SLC4A10: variants seen among roughly 807,000 people sequenced by gnomAD.
SLC4A10 encodes sodium-driven chloride bicarbonate exchanger.
SLC4A10 carries 42 observed loss-of-function variants against 137.7 expected under a neutral mutation model. The ratio of observed to expected loss-of-function variants is 0.30; its 90% CI spans 0.24 to 0.39. The LOEUF (loss-of-function observed/expected upper bound fraction) is 0.39. SLC4A10 is among the 10% of genes least tolerant of loss of function. SLC4A10 has a pLI of 1.00. For missense variants in SLC4A10, 925 were observed against 1,355.0 expected (o/e 0.68, Z 4.98); for synonymous variants, 474 against 464.1 (o/e 1.02, Z -0.27).
At chr2:161,851,570 C>A (rs1228716485) in intron 4 of SLC4A10, among the ~76,000 whole-genome samples, 1 of 152,096 alleles carries the variant, frequency 6.6e-6, no homozygotes. Context: ...ATTTTACTTT[C>A]AAAGGAGCCA....
intron 16 of SLC4A10, among the ~76,000 whole-genome samples, chr2:161,946,398 G>A (rs77787032): frequency 0.013 from 2,003 of 152,086 alleles, 40 homozygotes; most frequent in East Asian, 0.099. Context: ...AATCTTTGGA[G>A]TGTATTTACT....
chr2:161,707,262 G>T (rs899789398), intron 1 of SLC4A10, among the ~76,000 whole-genome samples: 1 of 151,304 alleles, frequency 6.6e-6, no homozygotes, highest in Admixed American at 6.6e-5. Context: ...GTATAATTTG[G>T]ATCAGCCCAG....
intron 3 of SLC4A10, among the ~76,000 whole-genome samples, chr2:161,809,634 T>C (rs949880292): frequency 3.9e-5 from 6 of 152,156 alleles, no homozygotes; most frequent in African/African-American, 1.4e-4. Flanking sequence ...TAATAGGGAG[T>C]CCTTTCTGTA....
intron 21 of SLC4A10, 52 bp downstream of exon 21, chr2:161,958,607 C>A: frequency 7.4e-7 from 1 of 1,358,756 alleles, no homozygotes; most frequent in South Asian, 1.3e-5. Flanking sequence ...ACCTTAAGGT[C>A]TACTGATAAG....
At chr2:161,868,855 T>C (rs1009447594) in intron 6 of SLC4A10, among the ~76,000 whole-genome samples, 6 of 151,690 alleles carry the variant, frequency 4.0e-5, no homozygotes, top group Non-Finnish European at 7.4e-5. Context: ...GATTACTCAA[T>C]GTCTTTTTTT....
At chr2:161,801,204 A>G (rs774847692) in intron 2 of SLC4A10, among the ~76,000 whole-genome samples, 8 of 151,838 alleles carry the variant, frequency 5.3e-5, no homozygotes, top group Admixed American at 6.6e-5. Context: ...CATTGTTACC[A>G]TATTTCTTGA....
intron 4 of SLC4A10, among the ~76,000 whole-genome samples, chr2:161,842,713 C>T (rs2125802716): frequency 6.6e-6 from 1 of 152,190 alleles, no homozygotes; most frequent in Admixed American, 6.5e-5. Context: ...TTCTACCTTA[C>T]TTTTTGTCCC....
chr2:161,970,644 A>T (rs1042951081), intron 23 of SLC4A10, among the ~76,000 whole-genome samples: 5 of 152,276 alleles, frequency 3.3e-5, no homozygotes, highest in African/African-American at 1.2e-4. Context: ...GTACTTTAAG[A>T]TATTTGAGGG....
chr2:161,975,810 C>T (rs1249743062), intron 24 of SLC4A10, among the ~76,000 whole-genome samples: 1 of 152,174 alleles, frequency 6.6e-6, no homozygotes, highest in African/African-American at 2.4e-5. Context: ...AAGGACAAGG[C>T]CCCCAGGCAG....
intron 10 of SLC4A10, among the ~76,000 whole-genome samples, chr2:161,886,088 G>C (rs905023849): frequency 1.3e-5 from 2 of 152,164 alleles, no homozygotes; most frequent in East Asian, 3.8e-4. Flanking sequence ...AATAGAGCCA[G>C]ACCTTGTCTC....
At chr2:161,646,385 AG>A (rs1010131849) in intron 1 of SLC4A10, among the ~76,000 whole-genome samples, 6 of 152,130 alleles carry the variant, frequency 3.9e-5, no homozygotes, top group African/African-American at 1.4e-4. Flanking sequence ...CCAAATGTAA[AG>A]GGATGGTTGC....
intron 1 of SLC4A10, among the ~76,000 whole-genome samples, chr2:161,730,422 T>A (rs561240391): frequency 1.3e-5 from 2 of 152,226 alleles, no homozygotes; most frequent in African/African-American, 4.8e-5. Flanking sequence ...TATCTGTCTA[T>A]TTATCTATTA....
In SLC4A10 at chr2:161,825,026, T is replaced by C. The variant is rs1239765895; in HGVS notation, c.278-14763T>C. On this transcript the variant is annotated intron_variant, in intron 3 of 26. Transcript: ENST00000446997. Reference sequence around the variant, plus strand: ...TTCACTTAATGAGTAGTAAATATATTTTCTCTTCTTTGTGATTTTCTTGTT... The same window carrying C: ...TTCACTTAATGAGTAGTAAATATATCTTCTCTTCTTTGTGATTTTCTTGTT... Among the ~76,000 whole-genome samples, 3 of 152,116 alleles carry C rather than the reference T, an allele frequency of 2.0e-5. No homozygotes were observed. The East Asian group carries it at 5.8e-4, about 29-fold the overall frequency.
chr2:161,795,078 A>T (rs1013679835), intron 2 of SLC4A10, among the ~76,000 whole-genome samples: 3 of 152,076 alleles, frequency 2.0e-5, no homozygotes, highest in Non-Finnish European at 4.4e-5. Context: ...ATGAAAACAG[A>T]TGAAGTATGT....
At chr2:161,941,979 A>G (rs967156543) in intron 15 of SLC4A10, among the ~76,000 whole-genome samples, 1 of 152,190 alleles carries the variant, frequency 6.6e-6, no homozygotes, top group Non-Finnish European at 1.5e-5. Context: ...ATAACTCTTT[A>G]AAGAATGAAT....
At chr2:161,649,857 A>G (rs2036550685) in intron 1 of SLC4A10, among the ~76,000 whole-genome samples, 1 of 152,074 alleles carries the variant, frequency 6.6e-6, no homozygotes, top group Non-Finnish European at 1.5e-5. Context: ...CAAATCTAAT[A>G]AGCTTTAAAA....
At chr2:161,712,473 A>C (rs931300434) in intron 1 of SLC4A10, among the ~76,000 whole-genome samples, 3 of 151,864 alleles carry the variant, frequency 2.0e-5, no homozygotes, top group Non-Finnish European at 4.4e-5. Context: ...CTTAGTCATC[A>C]AAAATGTCCA....
At chr2:161,655,289 A>G (rs530870961) in intron 1 of SLC4A10, among the ~76,000 whole-genome samples, 2 of 152,296 alleles carry the variant, frequency 1.3e-5, no homozygotes, top group Middle Eastern at 3.4e-3. Context: ...GTCTATATAT[A>G]AAATCATGTT....
intron 1 of SLC4A10, among the ~76,000 whole-genome samples, chr2:161,668,616 T>C (rs1350815069): frequency 6.6e-6 from 1 of 151,904 alleles, no homozygotes; most frequent in Non-Finnish European, 1.5e-5. Context: ...GATTTTTTCT[T>C]TCCAAAATAT....
Sources: gnomAD v4.1 joint callset for allele counts (sites outside exome capture counted in the v4.1 genomes callset) on GRCh38, gnomAD v4.1.1 for gene constraint, MANE v1.5 for transcripts, NCBI Gene and HGNC (gene_info 2026-07-23, HGNC 2026-07-21) for gene names.